Variants in LRRTM4 observed in about 807,000 individuals in gnomAD.
LRRTM4 encodes leucine rich repeat transmembrane neuronal 4.
In LRRTM4, 25 loss-of-function variants were observed where a neutral mutation model predicts 47.6. That is an observed-to-expected ratio of 0.53 (90% confidence interval 0.38 to 0.73). The LOEUF is 0.73. Ranked by LOEUF, LRRTM4 falls within the 30% of genes least tolerant of loss-of-function variation. The pLI is 0.00. For synonymous variants in LRRTM4, 311 were observed against 269.5 expected, an observed-to-expected ratio of 1.15 and a Z score of -1.51; for missense variants, 638 against 713.4, an observed-to-expected ratio of 0.89 and a Z score of 1.20.
chr2:76,786,778 T>C (rs1221682200), intron 3 of LRRTM4, among the ~76,000 whole-genome samples: 1 of 152,156 alleles, frequency 6.6e-6, no homozygotes, highest in African/African-American at 2.4e-5. Context: ...CATCATTTTC[T>C]TGGTTGACAA....
chr2:77,325,962 G>A (rs1670757280), intron 3 of LRRTM4, among the ~76,000 whole-genome samples: 2 of 152,138 alleles, frequency 1.3e-5, no homozygotes, highest in South Asian at 4.1e-4. Flanking sequence ...TTTTTCCTGT[G>A]AGGCAGGTCA....
chr2:76,776,879 T>C (rs1674032200), intron 3 of LRRTM4, among the ~76,000 whole-genome samples: 2 of 144,546 alleles, frequency 1.4e-5, no homozygotes, highest in African/African-American at 2.6e-5. Context: ...TTCTAGGGTT[T>C]TTATGGTTTT....
At chr2:76,923,507 C>A (rs973029143) in intron 3 of LRRTM4, among the ~76,000 whole-genome samples, 1 of 151,900 alleles carries the variant, frequency 6.6e-6, no homozygotes, top group Non-Finnish European at 1.5e-5. Context: ...TCATTTCTGT[C>A]ATAGAAAATT....
intron 3 of LRRTM4, among the ~76,000 whole-genome samples, chr2:77,456,579 C>G (rs1009760786): frequency 2.6e-5 from 4 of 152,034 alleles, no homozygotes; most frequent in African/African-American, 9.7e-5. Context: ...AGTATTACTC[C>G]CATCTACCAA....
At chr2:77,488,040 C>T (rs1436676898) in intron 3 of LRRTM4, among the ~76,000 whole-genome samples, 3 of 152,140 alleles carry the variant, frequency 2.0e-5, no homozygotes, top group South Asian at 2.1e-4. Flanking sequence ...GTAACAAAAA[C>T]GGGGCTGAAA....
intron 3 of LRRTM4, among the ~76,000 whole-genome samples, chr2:77,307,526 A>C (rs1057214986): frequency 2.1e-5 from 3 of 140,716 alleles, no homozygotes; most frequent in African/African-American, 7.8e-5. Flanking sequence ...ATATAGATAT[A>C]TAATATATAG....
chr2:77,130,962 G>A (rs1283663137), intron 3 of LRRTM4, among the ~76,000 whole-genome samples: 1 of 131,538 alleles, frequency 7.6e-6, no homozygotes. Flanking sequence ...AGCCTCCCAA[G>A]TAGCTGGGAC....
intron 3 of LRRTM4, among the ~76,000 whole-genome samples, chr2:76,831,874 T>G (rs1333337228): frequency 6.6e-6 from 1 of 152,114 alleles, no homozygotes; most frequent in Non-Finnish European, 1.5e-5. Context: ...TTTGACGCAA[T>G]GTAGTGTTTT....
At chr2:77,274,202 G>T (rs1676280122) in intron 3 of LRRTM4, among the ~76,000 whole-genome samples, 1 of 151,840 alleles carries the variant, frequency 6.6e-6, no homozygotes, top group African/African-American at 2.4e-5. Context: ...CAAGATATTT[G>T]TTTCATTTAC....
chr2:77,017,652 G>A (rs942164214), intron 3 of LRRTM4, among the ~76,000 whole-genome samples: 3 of 152,032 alleles, frequency 2.0e-5, no homozygotes, highest in Non-Finnish European at 2.9e-5. Context: ...AATACACTTT[G>A]TATATACATA....
intron 3 of LRRTM4, among the ~76,000 whole-genome samples, chr2:76,764,358 G>T (rs762902202): frequency 6.6e-6 from 1 of 152,154 alleles, no homozygotes; most frequent in Non-Finnish European, 1.5e-5. Context: ...GAGGCAGGGC[G>T]CAGTGGCTCA....
intron 3 of LRRTM4, among the ~76,000 whole-genome samples, chr2:77,032,902 A>G (rs1678711946): frequency 6.6e-6 from 1 of 152,070 alleles, no homozygotes; most frequent in Non-Finnish European, 1.5e-5. Context: ...CTGGGTTCTA[A>G]TTGCCTATTA....
intron 3 of LRRTM4, among the ~76,000 whole-genome samples, chr2:76,923,810 T>A (rs1312969032): frequency 6.6e-6 from 1 of 152,156 alleles, no homozygotes; most frequent in African/African-American, 2.4e-5. Context: ...TCTTTAGCTA[T>A]TTCAGTGGTA....
At chr2:77,172,344 C>T (rs948278478) in intron 3 of LRRTM4, among the ~76,000 whole-genome samples, 1 of 152,152 alleles carries the variant, frequency 6.6e-6, no homozygotes, top group African/African-American at 2.4e-5. Flanking sequence ...CGCCTGTAAT[C>T]CCAGCACTTT....
At chr2:77,232,857 AAT>A (rs1217078514) in intron 3 of LRRTM4, among the ~76,000 whole-genome samples, 1 of 152,228 alleles carries the variant, frequency 6.6e-6, no homozygotes, top group Non-Finnish European at 1.5e-5. Flanking sequence ...ATTTTTCATT[AAT>A]ATGTTTGCAG....
Position 77,049,139 on chromosome 2 carries a change from TATATATATATATATATATAC to T in LRRTM4, c.1552-300243_1552-300224del, listed in dbSNP as rs1178001254. 5.4e-5 allele frequency among the ~76,000 whole-genome samples: 7 copies of T among 130,832 alleles called. 1 individual carries two copies. The highest frequency in any genetic ancestry group is 1.6e-4 in the Admixed American group (2 of 12,854). The allele number at this position is 130,832 out of a possible 152,430, so 85.8% of individuals were successfully genotyped here. On this transcript the variant is annotated intron_variant, in intron 3 of 3. Coordinates refer to ENST00000409884, the MANE Select transcript of LRRTM4 (RefSeq NM_001134745.3). ...TTCATTTTTTATATATATATATATATATATATATATATATATATACACACACACACACACCACATTTTCTT... is the reference window on the plus strand; with the variant it reads ...TTCATTTTTTATATATATATATATATACACACACACACACCACATTTTCTT...
intron 3 of LRRTM4, among the ~76,000 whole-genome samples, chr2:76,931,318 T>C (rs996680029): frequency 6.6e-6 from 1 of 152,224 alleles, no homozygotes; most frequent in Non-Finnish European, 1.5e-5. Flanking sequence ...TTAGCAAAAA[T>C]ACTCATGACT....
intron 3 of LRRTM4, among the ~76,000 whole-genome samples, chr2:77,486,628 C>T (rs1335293689): frequency 2.6e-5 from 4 of 152,026 alleles, no homozygotes; most frequent in Non-Finnish European, 4.4e-5. Flanking sequence ...TTATATTTAG[C>T]ATATAATGAA....
At chr2:77,061,442 A>G (rs1445224095) in intron 3 of LRRTM4, among the ~76,000 whole-genome samples, 3 of 149,634 alleles carry the variant, frequency 2.0e-5, no homozygotes. Flanking sequence ...TCAACACATT[A>G]ATTATTTCTC....
Sources: allele counts gnomAD v4.1 joint callset (sites outside exome capture counted in the v4.1 genomes callset), GRCh38; gene constraint gnomAD v4.1.1; transcripts MANE v1.5; gene names NCBI Gene and HGNC (gene_info 2026-07-23, HGNC 2026-07-21).